ENOX2: variants seen among roughly 807,000 people sequenced by gnomAD.
ENOX2 encodes APK1 antigen.
A neutral mutation model predicts 45.0 loss-of-function variants in ENOX2; 36 were observed. The ratio of observed to expected loss-of-function variants is 0.80; its 90% CI spans 0.61 to 1.06. The LOEUF (loss-of-function observed/expected upper bound fraction) is 1.06, where lower values mean the gene tolerates loss of function less well. Ranked by LOEUF, ENOX2 falls within the 50% of genes least tolerant of loss-of-function variation. The pLI is 0.00. For missense variants in ENOX2, 423 were observed against 462.5 expected, an observed-to-expected ratio of 0.91 and a Z score of 0.78; for synonymous variants, 174 against 152.3, an observed-to-expected ratio of 1.14 and a Z score of -1.05.
At chrX:130,661,738 G>A (rs2036694603) in intron 9 of ENOX2, among the ~76,000 whole-genome samples, 1 of 112,496 alleles carries the variant, frequency 8.9e-6, no homozygotes, top group Non-Finnish European at 1.9e-5. Flanking sequence ...CCAACAGCCG[G>A]TGTTAGTGCA....
rs186115118 is a variant in ENOX2, at chrX:130,675,210, T to C, written c.460+4332A>G. Among the ~76,000 whole-genome samples, 484 of 111,856 alleles carry C rather than the reference T, an allele frequency of 4.3e-3. 2 individuals are homozygous for C. The highest frequency in any genetic ancestry group is 0.015 in the African/African-American group (462 of 30,725). ...AATCACCACACTGACTTCCACATGG[T>C]TGAACTAGTTTACAGTCCCACCAAC... On this transcript the variant is annotated intron_variant, in intron 6 of 14. Transcript: ENST00000394363.
intron 2 of ENOX2, among the ~76,000 whole-genome samples, chrX:130,844,899 A>G (rs1433924822): frequency 1.8e-5 from 2 of 112,173 alleles, no homozygotes; most frequent in Admixed American, 9.4e-5. Flanking sequence ...ACCAGATGGC[A>G]TAAAAGACCA....
chrX:130,709,637 C>CAAAAA (rs60183563), intron 3 of ENOX2, among the ~76,000 whole-genome samples: 28 of 28,114 alleles, frequency 1.0e-3, no homozygotes, highest in Middle Eastern at 0.018. Flanking sequence ...GACTCTGTCT[C>CAAAAA]AAAAAAAAAA....
At position 130,669,962 on chromosome X, in the gene ENOX2, T is replaced by C. The variant is rs751145452; in HGVS notation, c.694+3A>G. 5.1e-6 allele frequency: 6 copies of C among 1,176,273 alleles called. No homozygotes were observed. The highest frequency in any genetic ancestry group is 2.2e-5 in the Admixed American group (1 of 46,041). ...AATCATGAAGCTTGAGTGCCTTTGA[T>C]ACCTTTTAATTTTTCAGCAACAATG... On this transcript the variant is annotated splice_donor_region_variant and intron_variant, in intron 7 of 14. Coordinates refer to ENST00000394363, the MANE Select transcript of ENOX2 (RefSeq NM_006375.4).
chrX:130,662,314 C>T (rs1274955950), intron 9 of ENOX2, among the ~76,000 whole-genome samples: 4 of 112,436 alleles, frequency 3.6e-5, no homozygotes, highest in Non-Finnish European at 7.5e-5. Flanking sequence ...TTTCTTCATA[C>T]TCCACATCCT....
chrX:130,701,912 A>G (rs1256408418), intron 4 of ENOX2, among the ~76,000 whole-genome samples: 1 of 112,345 alleles, frequency 8.9e-6, no homozygotes, highest in African/African-American at 3.2e-5. Flanking sequence ...TATGAATTAT[A>G]GTAGTTTGGC....
intron 3 of ENOX2, among the ~76,000 whole-genome samples, chrX:130,711,502 C>G (rs1043359910): frequency 9.1e-6 from 1 of 110,279 alleles, no homozygotes; most frequent in Non-Finnish European, 1.9e-5. Flanking sequence ...AAGAGTCACT[C>G]AAGGGAATCA....
intron 3 of ENOX2, among the ~76,000 whole-genome samples, chrX:130,755,112 T>A (rs1452817242): frequency 9.2e-6 from 1 of 109,163 alleles, no homozygotes; most frequent in Non-Finnish European, 1.9e-5. Context: ...ATCAGCACAA[T>A]CACTTGATTT....
At chrX:130,749,741 G>A in intron 3 of ENOX2, among the ~76,000 whole-genome samples, 1 of 110,810 alleles carries the variant, frequency 9.0e-6, no homozygotes, top group Non-Finnish European at 1.9e-5. Context: ...TAGTGATGGT[G>A]GGGCCTTTGA....
In ENOX2 at chrX:130,623,974, T is replaced by A. The variant is rs1176678562; in HGVS notation, c.*1340A>T. 8.9e-6 allele frequency: 1 copy of A among 112,128 alleles called. No homozygotes were observed. The highest frequency in any genetic ancestry group is 1.9e-5 in the Non-Finnish European group (1 of 53,326). The allele number at this position is 112,128 out of a possible 1,213,427, so 9.2% of individuals were successfully genotyped here. A position where few individuals can be genotyped will look rare whatever the true frequency, so the allele number is the denominator to read the frequency against. The stretch of plus-strand genomic sequence containing the variant: ...CTACTGGCATCTCATTTACAAAGTA[T>A]TTTTGTGAAATACTCTCCATTGGCT... On this transcript the variant is annotated 3_prime_UTR_variant, in exon 15 of 15. Coordinates refer to ENST00000394363, the MANE Select transcript of ENOX2 (RefSeq NM_006375.4).
chrX:130,724,279 A>C (rs1402174527), intron 3 of ENOX2, among the ~76,000 whole-genome samples: 1 of 112,634 alleles, frequency 8.9e-6, no homozygotes, highest in Non-Finnish European at 1.9e-5. Flanking sequence ...TAAGTCATAG[A>C]GATAATATCG....
intron 3 of ENOX2, among the ~76,000 whole-genome samples, chrX:130,704,884 G>C (rs943411342): frequency 8.9e-6 from 1 of 111,911 alleles, no homozygotes; most frequent in Non-Finnish European, 1.9e-5. Flanking sequence ...TTCTCCATCT[G>C]TAGGAACTTT....
At chrX:130,628,631 A>G (rs1019110890) in intron 13 of ENOX2, among the ~76,000 whole-genome samples, 1 of 112,466 alleles carries the variant, frequency 8.9e-6, no homozygotes, top group Admixed American at 9.4e-5. Flanking sequence ...TCTGTAAAGA[A>G]AAGTCAAACA....
At chrX:130,705,114 T>TA (rs2038002687) in intron 3 of ENOX2, among the ~76,000 whole-genome samples, 2 of 112,053 alleles carry the variant, frequency 1.8e-5, no homozygotes, top group African/African-American at 6.5e-5. Flanking sequence ...CCTTTAGAGA[T>TA]TATTGAGTCT....
intron 10 of ENOX2, among the ~76,000 whole-genome samples, chrX:130,654,740 G>A (rs191879436): frequency 1.6e-3 from 179 of 112,517 alleles, no homozygotes; most frequent in African/African-American, 5.4e-3. Flanking sequence ...ATTTGCCAAA[G>A]CAGCATCCTG....
At chrX:130,652,248 C>T (rs2036422912) in intron 10 of ENOX2, among the ~76,000 whole-genome samples, 1 of 112,006 alleles carries the variant, frequency 8.9e-6, no homozygotes, top group African/African-American at 3.2e-5. Flanking sequence ...GTTTCCACAA[C>T]CCAATTCGTT....
At chrX:130,730,762 G>A (rs1490666449) in intron 3 of ENOX2, among the ~76,000 whole-genome samples, 1 of 108,960 alleles carries the variant, frequency 9.2e-6, no homozygotes, top group African/African-American at 3.3e-5. Context: ...GCAGAGGGTG[G>A]GATGGGGGGA....
At chrX:130,688,426 T>C (rs2037501584) in intron 5 of ENOX2, among the ~76,000 whole-genome samples, 1 of 112,039 alleles carries the variant, frequency 8.9e-6, no homozygotes, top group Admixed American at 9.5e-5. Flanking sequence ...ATCGGTTGAA[T>C]AGCAGTGGTT....
intron 3 of ENOX2, among the ~76,000 whole-genome samples, chrX:130,715,860 T>C (rs977243808): frequency 4.5e-5 from 5 of 111,991 alleles, no homozygotes; most frequent in African/African-American, 1.3e-4. Flanking sequence ...TATAGAGCTA[T>C]AGTGAAGATT....
Sources: gnomAD v4.1 joint callset for allele counts (sites outside exome capture counted in the v4.1 genomes callset) on GRCh38, gnomAD v4.1.1 for gene constraint, MANE v1.5 for transcripts, NCBI Gene and HGNC (gene_info 2026-07-23, HGNC 2026-07-21) for gene names.